The following DYNC2H1 variants were observed in gnomAD, a reference collection of about 807,000 sequenced individuals.
DYNC2H1 encodes the protein cytoplasmic dynein 2 heavy chain 1.
DYNC2H1 carries 410 observed loss-of-function variants against 570.0 expected under a neutral mutation model. That is an observed-to-expected ratio of 0.72 (90% CI 0.66 to 0.78). DYNC2H1 has a LOEUF of 0.78. Among genes scored for constraint, DYNC2H1 ranks in the 30% least tolerant of loss-of-function variants. DYNC2H1 has a pLI of 0.00. For missense variants in DYNC2H1, 4,865 were observed against 5,046.4 expected (o/e 0.96, Z 1.09); for synonymous variants, 1,688 against 1,677.6 (o/e 1.01, Z -0.15).
Position 103,249,533 on chromosome 11 carries a change from TC to T in DYNC2H1, c.10043-3750del, listed in dbSNP as rs1565430375. ...CTCTTCTCCACAAGGATAACCACAT[TC>T]CTAACTTACAACAGCATAGAGAAGT... On this transcript the variant is annotated intron_variant, in intron 65 of 88. Transcript: ENST00000375735. The surrounding 1 kb of genome is among the most constrained non-coding windows in gnomAD (Gnocchi z 4.6). Among the ~76,000 whole-genome samples, 1 of 151,874 alleles carries T rather than the reference TC, an allele frequency of 6.6e-6. No homozygotes were observed. The highest frequency in any genetic ancestry group is 2.4e-5 in the African/African-American group (1 of 41,400).
In DYNC2H1 at chr11:103,204,824, A is replaced by G. The variant is rs1289286298; in HGVS notation, c.8314A>G (p.Ile2772Val). The G allele has an allele frequency of 6.3e-7, 1 of 1,582,644 alleles. No individual in the cohort carries two copies. The highest frequency in any genetic ancestry group is 8.6e-7 in the Non-Finnish European group (1 of 1,162,838). Residue 2772 changes from isoleucine to valine, a missense_variant and splice_region_variant, in exon 52 of 89, where the codon ATT (isoleucine) becomes GTT (valine). By Grantham distance (29) the Ile-to-Val change is conservative. Transcript: ENST00000375735. The surrounding 1 kb of genome is among the most constrained non-coding windows in gnomAD (Gnocchi z 4.1). ...GPVFNYFTYRIQQNLHIVLIM... is the reference protein window; with the variant it reads ...GPVFNYFTYRVQQNLHIVLIM... ...TATTATTCTTATATATTTCTTAGGA[A>G]TTCAGCAAAACTTGCATATTGTCTT... is the stretch of plus-strand genomic sequence containing the variant.
intron 84 of DYNC2H1, among the ~76,000 whole-genome samples, chr11:103,401,315 A>G (rs1222385973): frequency 1.3e-5 from 2 of 152,188 alleles, no homozygotes; most frequent in Non-Finnish European, 2.9e-5. Flanking sequence ...TTATCCAACT[A>G]TATGCCGTAC....
intron 44 of DYNC2H1, 61 bp downstream of exon 44, chr11:103,188,709 T>G (rs1472471334): frequency 1.6e-6 from 2 of 1,246,180 alleles, no homozygotes; most frequent in African/African-American, 3.1e-5. Flanking sequence ...AAATGAATTT[T>G]ATTTAAAGTA....
intron 84 of DYNC2H1, chr11:103,407,358 G>T (rs1289126768): frequency 6.6e-6 from 1 of 151,782 alleles, no homozygotes; most frequent in African/African-American, 2.4e-5. Flanking sequence ...ATTCTCACGG[G>T]TAGGTTCAAT....
intron 83 of DYNC2H1, among the ~76,000 whole-genome samples, chr11:103,381,737 A>G (rs930147461): frequency 6.6e-6 from 1 of 152,192 alleles, no homozygotes; most frequent in Non-Finnish European, 1.5e-5. Flanking sequence ...GTGAGCCACC[A>G]TGCCCAATCT....
At chr11:103,168,611 G>C (rs1861433520) in intron 31 of DYNC2H1, 144 bp from the exon 32 acceptor site, 1 of 790,266 alleles carries the variant, frequency 1.3e-6, no homozygotes, top group Non-Finnish European at 1.9e-6. Context: ...TTTAGCTTAT[G>C]TGATTTGTAT....
chr11:103,379,300 C>G (rs987941877), intron 83 of DYNC2H1, among the ~76,000 whole-genome samples: 3 of 152,138 alleles, frequency 2.0e-5, no homozygotes, highest in African/African-American at 4.8e-5. Flanking sequence ...GTTCAGTATC[C>G]TTTTATTTTG....
At chr11:103,322,790 A>C (rs1436915668) in intron 81 of DYNC2H1, among the ~76,000 whole-genome samples, 3 of 152,222 alleles carry the variant, frequency 2.0e-5, no homozygotes, top group African/African-American at 4.8e-5. Flanking sequence ...TTAGCTTTCT[A>C]ATTGAGTTAG....
chr11:103,169,764 T>C (rs774637850), intron 32 of DYNC2H1, among the ~76,000 whole-genome samples: 5 of 152,196 alleles, frequency 3.3e-5, no homozygotes, highest in Non-Finnish European at 7.4e-5. Context: ...AAATAGTTTA[T>C]ATAAATTTTA....
At chr11:103,323,019 T>C (rs1938292580) in intron 81 of DYNC2H1, among the ~76,000 whole-genome samples, 1 of 152,206 alleles carries the variant, frequency 6.6e-6, no homozygotes, top group South Asian at 2.1e-4. Flanking sequence ...GGAGTCCAAC[T>C]GTCTCCTTGG....
At chr11:103,410,339 AATGTAGCCC>A (rs1213787890) in intron 84 of DYNC2H1, among the ~76,000 whole-genome samples, 2 of 152,082 alleles carry the variant, frequency 1.3e-5, no homozygotes, top group Non-Finnish European at 2.9e-5. Context: ...GGGTATAGAA[AATGTAGCCC>A]ATTTCTTCCC....
In DYNC2H1 at chr11:103,117,654, C is replaced by T; in HGVS notation, c.790C>T (p.Gln264Ter). The T allele has an allele frequency of 6.2e-7, 1 of 1,605,188 alleles. No homozygotes were observed. The highest frequency in any genetic ancestry group is 8.5e-7 in the Non-Finnish European group (1 of 1,174,940). Reference protein sequence around the residue: ...IIGGSFGRFVQKKLGTLNLWE... With the variant: ...IIGGSFGRFV ...AGGTGGTTCATTTGGAAGGTTTGTT[C>T]AGAAAAAGTTGGGAACTTTGAACCT... is the stretch of plus-strand genomic sequence containing the variant. Residue 264 changes from glutamine to a stop codon, truncating the protein, a stop_gained, in exon 6 of 89, where the codon CAG (glutamine) becomes TAG (stop). Transcript: ENST00000375735. LOFTEE classifies it high-confidence loss of function.
chr11:103,205,549 T>C lies in DYNC2H1; in HGVS notation c.8454+585T>C, dbSNP rs567244053. On this transcript the variant is annotated intron_variant, in intron 52 of 88. Coordinates refer to ENST00000375735, the MANE Select transcript of DYNC2H1 (RefSeq NM_001377.3). This position sits in a 1 kb window ranked among gnomAD's most constrained non-coding sequence, Gnocchi z 4.5. ...GGAGATAAAAGACATGGTTTACAGA[T>C]GAGGTAATATTTTAGTTACTGAAAG... Among the ~76,000 whole-genome samples, 3 of 152,300 alleles carry C rather than the reference T, an allele frequency of 2.0e-5. No individual in the cohort carries two copies. Among genetic ancestry groups the C allele is most frequent in the South Asian group, 4.1e-4 (2 of 4,828 alleles).
At chr11:103,322,549 A>G (rs1030448282) in intron 81 of DYNC2H1, among the ~76,000 whole-genome samples, 1 of 152,166 alleles carries the variant, frequency 6.6e-6, no homozygotes, top group East Asian at 1.9e-4. Context: ...TGCTGTTTAT[A>G]TAAATTATAT....
At chr11:103,450,119 T>C (rs1198976157) in intron 85 of DYNC2H1, among the ~76,000 whole-genome samples, 3 of 152,172 alleles carry the variant, frequency 2.0e-5, no homozygotes, top group African/African-American at 4.8e-5. Flanking sequence ...ACAAAGATTA[T>C]TTTATAATGA....
chr11:103,270,446 G>A (rs1280112536), intron 70 of DYNC2H1, among the ~76,000 whole-genome samples: 1 of 152,030 alleles, frequency 6.6e-6, no homozygotes, highest in East Asian at 1.9e-4. Flanking sequence ...ATTAGGCACA[G>A]TAAGAGATTA....
intron 88 of DYNC2H1, among the ~76,000 whole-genome samples, chr11:103,476,299 G>A (rs1412448785): frequency 6.6e-6 from 1 of 152,024 alleles, no homozygotes; most frequent in East Asian, 1.9e-4. Context: ...ATGAATCACT[G>A]TTAGGTTAAC....
intron 80 of DYNC2H1, among the ~76,000 whole-genome samples, chr11:103,318,427 T>C (rs538421455): frequency 1.8e-4 from 27 of 152,342 alleles, no homozygotes; most frequent in African/African-American, 6.5e-4. Flanking sequence ...TTTGGGTTCC[T>C]GTAGTTAACA....
rs543701694 is a variant in DYNC2H1, at chr11:103,470,937, G to A, written c.12765+2232G>A. On this transcript the variant is annotated intron_variant, in intron 88 of 88. Transcript: ENST00000375735. ...ATCCTTTGGGTATATACCCAGTAAT[G>A]GGATGGCTGGGTCAAATGGTATTTC... Among the ~76,000 whole-genome samples the A allele has an allele frequency of 6.6e-4, 101 of 152,158 alleles. 2 individuals carry two copies. The highest frequency in any genetic ancestry group is 2.3e-3 in the African/African-American group (97 of 41,496).
Sources: gnomAD v4.1 joint callset for allele counts (sites outside exome capture counted in the v4.1 genomes callset) on GRCh38, gnomAD v4.1.1 for gene constraint, Gnocchi (gnomAD v3.1) non-coding constraint, MANE v1.5 for transcripts, NCBI Gene and HGNC (gene_info 2026-07-23, HGNC 2026-07-21) for gene names.